AOPEP: variants seen among roughly 807,000 people sequenced by gnomAD.
AOPEP encodes aminopeptidase O.
A neutral mutation model predicts 98.1 loss-of-function variants in AOPEP; 77 were observed. The observed-to-expected ratio is 0.78, with a 90% CI of 0.65 to 0.95. AOPEP has a LOEUF of 0.95. Ranked by LOEUF, AOPEP falls within the 40% of genes least tolerant of loss-of-function variation. The probability of loss-of-function intolerance (pLI) is 0.00; values close to 1 mark genes in which losing one functional copy is unlikely to be tolerated. For synonymous variants in AOPEP, 346 were observed against 365.3 expected, an observed-to-expected ratio of 0.95 and a Z score of 0.60; for missense variants, 1,024 against 1,024.7, an observed-to-expected ratio of 1.00 and a Z score of 0.01.
At chr9:95,131,507 G>A in the AOPEP span, among the ~76,000 whole-genome samples, 6 of 152,194 alleles carry the variant, frequency 3.9e-5, no homozygotes, top group Non-Finnish European at 8.8e-5. Context: ...TTTCTTCACA[G>A]AGACTATGCT....
intron 5 of AOPEP, among the ~76,000 whole-genome samples, chr9:94,869,872 G>T (rs1189253077): frequency 6.6e-6 from 1 of 151,810 alleles, no homozygotes; most frequent in East Asian, 1.9e-4. Flanking sequence ...CCCTTTGATA[G>T]GAGTGGCATT....
intron 11 of AOPEP, among the ~76,000 whole-genome samples, chr9:94,990,638 A>T (rs540640092): frequency 1.4e-5 from 2 of 141,012 alleles, no homozygotes; most frequent in Non-Finnish European, 3.2e-5. Flanking sequence ...TTAATTAATT[A>T]ATTTCTGAGG....
intron 7 of AOPEP, chr9:94,933,613 A>G: frequency 5.1e-6 from 5 of 985,434 alleles, no homozygotes; most frequent in Non-Finnish European, 4.8e-6. Flanking sequence ...CCTTAATAAT[A>G]GGGGGAAAAC....
chr9:94,822,009 A>ACACACG (rs1554726861), intron 5 of AOPEP, among the ~76,000 whole-genome samples: 8,001 of 149,574 alleles, frequency 0.053, 274 homozygotes, highest in Non-Finnish European at 0.074. Context: ...ACACACACAC[A>ACACACG]CACGCAGGCA....
intron 7 of AOPEP, among the ~76,000 whole-genome samples, chr9:94,929,014 C>A (rs772124516): frequency 1.3e-5 from 2 of 152,178 alleles, no homozygotes; most frequent in Admixed American, 6.5e-5. Context: ...GATTCCATGG[C>A]CAGCTCCTGA....
intron 5 of AOPEP, among the ~76,000 whole-genome samples, chr9:94,806,842 A>G (rs1650036092): frequency 6.6e-6 from 1 of 152,194 alleles, no homozygotes; most frequent in Non-Finnish European, 1.5e-5. Context: ...ATGTGTGTGT[A>G]TGTTCCATTT....
intron 13 of AOPEP, among the ~76,000 whole-genome samples, chr9:95,033,533 C>A (rs1176381090): frequency 6.6e-6 from 1 of 152,132 alleles, no homozygotes; most frequent in Non-Finnish European, 1.5e-5. Context: ...CCATTTAGAA[C>A]CTTCTTTAGA....
chr9:95,009,709 G>A (rs999101910), intron 13 of AOPEP, among the ~76,000 whole-genome samples: 3 of 152,082 alleles, frequency 2.0e-5, no homozygotes, highest in Non-Finnish European at 2.9e-5. Context: ...CAACAACAGC[G>A]CACTTCAATG....
chr9:94,742,233 A>G (rs1185688706), intron 1 of AOPEP, among the ~76,000 whole-genome samples: 2 of 152,132 alleles, frequency 1.3e-5, no homozygotes, highest in Admixed American at 6.5e-5. Flanking sequence ...TCGAGTTACA[A>G]AGAAGAGAGG....
At chr9:95,075,663 T>G (rs2068971007) in intron 14 of AOPEP, among the ~76,000 whole-genome samples, 1 of 152,140 alleles carries the variant, frequency 6.6e-6, no homozygotes, top group Non-Finnish European at 1.5e-5. Context: ...GGAAGATGGC[T>G]TGAGCCCAGG....
intron 1 of AOPEP, among the ~76,000 whole-genome samples, chr9:94,750,615 G>T (rs1352040905): frequency 6.6e-6 from 1 of 151,856 alleles, no homozygotes; most frequent in Non-Finnish European, 1.5e-5. Context: ...ACAAAAAAAA[G>T]TTCAGGTTTC....
intron 13 of AOPEP, among the ~76,000 whole-genome samples, chr9:95,027,914 T>C (rs2063969892): frequency 6.6e-6 from 1 of 152,228 alleles, no homozygotes; most frequent in Non-Finnish European, 1.5e-5. Context: ...GTATCATCAG[T>C]CATGACAGAG....
At chr9:94,839,908 A>G (rs2042083868) in intron 5 of AOPEP, among the ~76,000 whole-genome samples, 1 of 152,088 alleles carries the variant, frequency 6.6e-6, no homozygotes, top group African/African-American at 2.4e-5. Flanking sequence ...AGCTGGTGCT[A>G]TAAGCACCCC....
At chr9:94,747,928 A>G (rs746985865) in intron 1 of AOPEP, among the ~76,000 whole-genome samples, 17 of 152,180 alleles carry the variant, frequency 1.1e-4, no homozygotes, top group Non-Finnish European at 1.6e-4. Flanking sequence ...TTTAGAATAT[A>G]TTTATTTTGA....
the AOPEP span, chr9:95,110,623 A>T: frequency 9.6e-6 from 10 of 1,041,740 alleles, no homozygotes; most frequent in Non-Finnish European, 1.2e-5. Flanking sequence ...CTTTAAACAA[A>T]ATACGCAGAC....
At chr9:95,092,112 A>T (rs1298592876), downstream of AOPEP, among the ~76,000 whole-genome samples, 1 of 151,976 alleles carries the variant, frequency 6.6e-6, no homozygotes, top group African/African-American at 2.4e-5. Context: ...AGGGAGAGGC[A>T]GTGCAGGGCT....
intron 5 of AOPEP, among the ~76,000 whole-genome samples, chr9:94,846,199 T>C (rs2042845475): frequency 1.3e-5 from 2 of 152,140 alleles, no homozygotes; most frequent in South Asian, 4.1e-4. Context: ...GCCTTCAGGA[T>C]ACAGATGGTA....
intron 11 of AOPEP, among the ~76,000 whole-genome samples, chr9:94,993,610 G>C (rs2061031224): frequency 6.6e-6 from 1 of 152,258 alleles, no homozygotes; most frequent in African/African-American, 2.4e-5. Context: ...TTATATGTCT[G>C]TTACAAAGTG....
intron 7 of AOPEP, among the ~76,000 whole-genome samples, chr9:94,939,995 G>A (rs2056818980): frequency 6.6e-6 from 1 of 152,194 alleles, no homozygotes; most frequent in South Asian, 2.1e-4. Context: ...TTTGACTTGG[G>A]TCCCATCCCC....
Sources: gnomAD v4.1 joint callset for allele counts (sites outside exome capture counted in the v4.1 genomes callset) on GRCh38, gnomAD v4.1.1 for gene constraint, MANE v1.5 for transcripts, NCBI Gene and HGNC (gene_info 2026-07-23, HGNC 2026-07-21) for gene names.